The following SLC27A5 variants were observed in gnomAD, a reference collection of about 807,000 sequenced individuals.
SLC27A5 encodes the protein long-chain fatty acid transport protein 5.
SLC27A5 carries 47 observed loss-of-function variants against 63.1 expected under a neutral mutation model. That is an observed-to-expected ratio of 0.74 (90% CI 0.59 to 0.95). The LOEUF (loss-of-function observed/expected upper bound fraction) is 0.95, where lower values mean the gene tolerates loss of function less well. Ranked by LOEUF, SLC27A5 falls within the 40% of genes least tolerant of loss-of-function variation. SLC27A5 has a pLI of 0.00. For missense variants in SLC27A5, 940 were observed against 921.0 expected (o/e 1.02, Z -0.27); for synonymous variants, 391 against 403.8 (o/e 0.97, Z 0.38).
At chr19:58,509,608 T>C in intron 3 of SLC27A5, 1 of 410,192 alleles carries the variant, frequency 2.4e-6, no homozygotes, top group Non-Finnish European at 4.4e-6. Flanking sequence ...CTTGGATGCC[T>C]GTGACCATCA....
Position 58,498,350 on chromosome 19 carries a change from A to G in SLC27A5, c.*165T>C, listed in dbSNP as rs549141021. The G allele has an allele frequency of 1.5e-6, 1 of 671,560 alleles. No homozygotes were observed. The highest frequency in any genetic ancestry group is 2.0e-5 in the South Asian group (1 of 51,172). The allele number at this position is 671,560 out of a possible 1,614,324, so 41.6% of individuals were successfully genotyped here. A position where few individuals can be genotyped will look rare whatever the true frequency, so the allele number is the denominator to read the frequency against. On this transcript the variant is annotated 3_prime_UTR_variant, in exon 10 of 10. Coordinates refer to ENST00000263093, the MANE Select transcript of SLC27A5 (RefSeq NM_012254.3). ...ATACAGACTTCTGTGAACACATCTG[A>G]GTTTATTCTGCCACTGCTACAGGGC...
Position 58,511,779 on chromosome 19 carries a change from CCAGGGGCCGAGCCAGGGCCGTGCTAA to C in SLC27A5, c.151_176del (p.Leu51GlyfsTer31), listed in dbSNP as rs1255308985. ...CTGCCAGGCTCAGCCCATGGGGCAC[CCAGGGGCCGAGCCAGGGCCGTGCTAA>C]CATGGCCAGCCCAAGTAGCACGCAA... On this transcript the variant is annotated frameshift_variant, in exon 1 of 10. Coordinates refer to ENST00000263093, the MANE Select transcript of SLC27A5 (RefSeq NM_012254.3). LOFTEE classifies it high-confidence loss of function. The C allele has an allele frequency of 4.5e-6, 7 of 1,553,532 alleles. No homozygotes were observed. In the African/African-American group the frequency reaches 9.6e-5, roughly 21 times the overall value.
rs543351372 is a variant in SLC27A5, at chr19:58,499,369, C to T, written c.1667+123G>A. 40 of 1,349,660 alleles carry T rather than the reference C, an allele frequency of 3.0e-5. No individual in the cohort carries two copies. In the African/African-American group the frequency reaches 5.1e-4, roughly 17 times the overall value. 83.6% of individuals were successfully genotyped at this position (1,349,660 alleles called of 1,614,324 possible). ...GAAGCCCCGCCTTCGCGTGAGAAGT[C>T]CTGACTCCAAGTTCCGCCCTCTTAC... On this transcript the variant is annotated intron_variant, in intron 7 of 9. Transcript: ENST00000263093.
chr19:58,499,281 GC>G lies in SLC27A5; in HGVS notation c.1668-62del, dbSNP rs1253437597. ...CCGGGAAGGAGAGGCCCCGCCTCTT[GC>G]CCCCGCCCCGCCCCTTTTGGGGATC... On this transcript the variant is annotated intron_variant, in intron 7 of 9. Coordinates refer to ENST00000263093, the MANE Select transcript of SLC27A5 (RefSeq NM_012254.3). 242 of 1,417,810 alleles carry G rather than the reference GC, an allele frequency of 1.7e-4. 1 individual carries two copies. The Middle Eastern group carries it at 2.5e-3, about 15-fold the overall frequency. The allele number at this position is 1,417,810 out of a possible 1,614,324, so 87.8% of individuals were successfully genotyped here.
At chr19:58,499,372 G>A in intron 7 of SLC27A5, 120 bp downstream of exon 7, 1 of 1,347,420 alleles carries the variant, frequency 7.4e-7, no homozygotes, top group African/African-American at 1.5e-5. Flanking sequence ...GAGAAGTCCT[G>A]ACTCCAAGTT....
chr19:58,510,127 T>G, intron 2 of SLC27A5, 122 bp from the exon 3 acceptor site: 1 of 971,596 alleles, frequency 1.0e-6, no homozygotes. Context: ...CAGAGAACAG[T>G]CAAGTATAGG....
At chr19:58,503,530 G>A (rs1322532116) in intron 3 of SLC27A5, among the ~76,000 whole-genome samples, 2 of 152,010 alleles carry the variant, frequency 1.3e-5, no homozygotes, top group Non-Finnish European at 2.9e-5. Context: ...AGGCGTGGTG[G>A]CGCACACCTG....
At chr19:58,507,902 C>T (rs1435621968) in intron 3 of SLC27A5, 1 of 152,092 alleles carries the variant, frequency 6.6e-6, no homozygotes, top group Non-Finnish European at 1.5e-5. Flanking sequence ...GAGGTCAGAC[C>T]AGTTCTCTGC....
Position 58,511,527 on chromosome 19 carries a change from G to A in SLC27A5, c.429C>T (p.Val143=). The A allele has an allele frequency of 1.9e-6, 3 of 1,567,016 alleles. No individual in the cohort carries two copies. Among genetic ancestry groups the A allele is most frequent in the Non-Finnish European group, 2.6e-6 (3 of 1,155,128 alleles). ...CCCGGGCATCCAGCTCACCAAAGGTGACTGAGCCGGCCCCAGGCCCCGTCC... is the reference window on the plus strand; with the variant it reads ...CCCGGGCATCCAGCTCACCAAAGGTAACTGAGCCGGCCCCAGGCCCCGTCC... ...LVWTGPGAGS[V]TFGELDARAC... Residue 143 remains valine (V), a synonymous_variant, in exon 1 of 10, where the codon GTC becomes GTT. Coordinates refer to ENST00000263093, the MANE Select transcript of SLC27A5 (RefSeq NM_012254.3).
In SLC27A5 at chr19:58,501,320, C is replaced by T; in HGVS notation, c.1148G>A (p.Gly383Asp). 6.2e-7 allele frequency: 1 copy of T among 1,613,768 alleles called. No homozygotes were observed. The highest frequency in any genetic ancestry group is 8.5e-7 in the Non-Finnish European group (1 of 1,179,784). ...GTTACACAAGTACCGCAGGAGCTCG[C>T]CCACATACAGGATCACTGTCACGCC... is the stretch of plus-strand genomic sequence containing the variant. ...QHGVTVILYV[G>D]ELLRYLCNIP... The change falls in exon 4 of 10, where the codon GGC becomes GAC. Residue 383 changes from glycine (G) to aspartate (D), a missense_variant. Physicochemically the swap from Gly to Asp is moderately conservative, Grantham distance 94. Transcript: ENST00000263093.
chr19:58,504,707 A>C (rs1310557509), intron 3 of SLC27A5, among the ~76,000 whole-genome samples: 2 of 146,388 alleles, frequency 1.4e-5, no homozygotes, highest in Non-Finnish European at 3.0e-5. Context: ...AGGGAAGTAC[A>C]TGTGAAATTA....
intron 3 of SLC27A5, chr19:58,508,297 A>G (rs2889129): frequency 0.9 from 137,300 of 152,198 alleles, 62,361 homozygotes; most frequent in Non-Finnish European, 0.96. Context: ...AGTGGCTCAC[A>G]CCTGTAATCC....
At chr19:58,499,252 GC>G (rs775287126) in intron 7 of SLC27A5, 32 bp from the exon 8 acceptor site, 4 of 1,600,548 alleles carry the variant, frequency 2.5e-6, no homozygotes, top group East Asian at 2.2e-5. Context: ...TTGTGACCAC[GC>G]CCCCGGGAAG....
chr19:58,500,303 C>A (rs1466899810), intron 6 of SLC27A5, 36 bp downstream of exon 6: 1 of 1,568,538 alleles, frequency 6.4e-7, no homozygotes, highest in Middle Eastern at 1.7e-4. Context: ...GGGTCGCCAC[C>A]CCTGCCACCC....
chr19:58,511,321 G>T lies in SLC27A5; in HGVS notation c.635C>A (p.Pro212His). Residue 212 changes from proline to histidine, a missense_variant, in exon 1 of 10, where the codon CCC (proline) becomes CAC (histidine). Pro to His is a moderately conservative substitution (Grantham distance 77, BLOSUM62 -2). Transcript: ENST00000263093. ...AGAGCTCAGCACAGAGTGCGCCAGG[G>T]GCATCCCCCGGCCATGCGGGTTGAT... ...AWINPHGRGM[P>H]LAHSVLSSGA... 1 of 1,591,346 alleles carries T rather than the reference G, an allele frequency of 6.3e-7. No homozygotes were observed. Among genetic ancestry groups the T allele is most frequent in the African/African-American group, 1.3e-5 (1 of 74,690 alleles).
rs1439051500 is a variant in SLC27A5 at position 58,509,868 on chromosome 19, TC to T, written c.1035del (p.Ile346SerfsTer5). 1 of 1,612,438 alleles carries T rather than the reference TC, an allele frequency of 6.2e-7. No homozygotes were observed. Among genetic ancestry groups the T allele is most frequent in the South Asian group, 1.1e-5 (1 of 90,986 alleles). On this transcript the variant is annotated frameshift_variant, in exon 3 of 10. Coordinates refer to ENST00000263093, the MANE Select transcript of SLC27A5 (RefSeq NM_012254.3). LOFTEE classifies it high-confidence loss of function. ...PLYHVMGLVVGILGCLDLGAT... is the reference protein window; with the variant it reads ...PLYHVMGLVVXILGCLDLGAT... Reference sequence around the variant, plus strand: ...TTACCGAGATCTAAGCAGCCGAGGATCCCAACGACAAGTCCCATCACGTGGT... The same window carrying T: ...TTACCGAGATCTAAGCAGCCGAGGATCCAACGACAAGTCCCATCACGTGGT...
intron 3 of SLC27A5, among the ~76,000 whole-genome samples, chr19:58,506,352 T>C (rs536918123): frequency 6.6e-6 from 1 of 152,264 alleles, no homozygotes; most frequent in Admixed American, 6.5e-5. Flanking sequence ...CTGGCCAACA[T>C]GGCAAAACCC....
chr19:58,501,311 A>G lies in SLC27A5; in HGVS notation c.1157T>C (p.Leu386Pro). Residue 386 changes from leucine (L) to proline (P), a missense_variant, in exon 4 of 10, where the codon CTG (leucine) becomes CCG (proline). Physicochemically the swap from Leu to Pro is moderately conservative, Grantham distance 98 (BLOSUM62 -3). Transcript: ENST00000263093. The part of the protein sequence containing the change: ...VTVILYVGEL[L>P]RYLCNIPQQP... The stretch of plus-strand genomic sequence containing the variant: ...CTGGGGAATGTTACACAAGTACCGC[A>G]GGAGCTCGCCCACATACAGGATCAC... 6.2e-7 allele frequency: 1 copy of G among 1,613,704 alleles called. No homozygotes were observed.
intron 3 of SLC27A5, among the ~76,000 whole-genome samples, chr19:58,503,160 G>C (rs901698507): frequency 1.3e-5 from 2 of 150,276 alleles, no homozygotes; most frequent in Non-Finnish European, 3.0e-5. Flanking sequence ...AGCCGAGATA[G>C]CGCCACTGCA....
Sources: allele counts gnomAD v4.1 joint callset (sites outside exome capture counted in the v4.1 genomes callset), GRCh38; gene constraint gnomAD v4.1.1; transcripts MANE v1.5; gene names NCBI Gene and HGNC (gene_info 2026-07-23, HGNC 2026-07-21).